Variants in STXBP5 observed in about 807,000 individuals in gnomAD.
The protein encoded by STXBP5 is syntaxin-binding protein 5.
STXBP5 carries 50 observed loss-of-function variants against 152.4 expected under a neutral mutation model. The ratio of observed to expected loss-of-function variants is 0.33; its 90% CI spans 0.26 to 0.42. The LOEUF (loss-of-function observed/expected upper bound fraction) is 0.42. Among genes scored for constraint, STXBP5 ranks in the 10% least tolerant of loss-of-function variants. The pLI, the probability that STXBP5 is intolerant of heterozygous loss-of-function variation, is 1.00. For synonymous variants in STXBP5, 492 were observed against 494.7 expected, an observed-to-expected ratio of 0.99 and a Z score of 0.07; for missense variants, 1,167 against 1,388.6, an observed-to-expected ratio of 0.84 and a Z score of 2.54.
intron 22 of STXBP5, 102 bp from the exon 23 acceptor site, chr6:147,358,982 T>C: frequency 7.4e-7 from 1 of 1,348,656 alleles, no homozygotes; most frequent in East Asian, 2.4e-5. Flanking sequence ...GTAGGTTTTG[T>C]CTTCTTGCAG....
intron 25 of STXBP5, among the ~76,000 whole-genome samples, chr6:147,373,303 T>A (rs1442314585): frequency 7.3e-6 from 1 of 136,770 alleles, no homozygotes; most frequent in East Asian, 2.2e-4. Flanking sequence ...AGGCAGAAGC[T>A]GCAAGTGAGC....
intron 2 of STXBP5, among the ~76,000 whole-genome samples, chr6:147,228,219 C>T (rs1204209996): frequency 2.0e-5 from 3 of 151,916 alleles, no homozygotes; most frequent in African/African-American, 7.3e-5. Flanking sequence ...TCTTAAATGA[C>T]TTACAAAAAG....
Position 147,227,746 on chromosome 6 carries a change from T to C in STXBP5, c.249-7504T>C, listed in dbSNP as rs528806497. On this transcript the variant is annotated intron_variant, in intron 2 of 27. Transcript: ENST00000321680. Reference sequence around the variant, plus strand: ...GCGAACTGTAGTCACGTGTAATTAATATAAACTTTTAGTTTGATTCTAAAA... The same window carrying C: ...GCGAACTGTAGTCACGTGTAATTAACATAAACTTTTAGTTTGATTCTAAAA... Among the ~76,000 whole-genome samples, 5 of 152,350 alleles carry C rather than the reference T, an allele frequency of 3.3e-5. No homozygotes were observed. In the East Asian group the frequency reaches 9.6e-4, roughly 29 times the overall value.
intron 22 of STXBP5, 108 bp downstream of exon 22, chr6:147,353,481 AT>A (rs1784681388): frequency 1.6e-6 from 1 of 619,914 alleles, no homozygotes; most frequent in Non-Finnish European, 2.7e-6. Flanking sequence ...CAAGTTTAAA[AT>A]GACTAAGATG....
chr6:147,208,991 A>G (rs1232782031), intron 2 of STXBP5, among the ~76,000 whole-genome samples: 4 of 152,100 alleles, frequency 2.6e-5, no homozygotes, highest in African/African-American at 9.7e-5. Flanking sequence ...TTCTGGAGAG[A>G]ATATGAGATT....
In STXBP5 at chr6:147,377,880, G is replaced by A. The variant is rs932889207; in HGVS notation, c.3193+4038G>A. On this transcript the variant is annotated intron_variant, in intron 26 of 27. Transcript: ENST00000321680. ...AAAAATGATAAACCTCTTTTGAAAC[G>A]AAGCACGAAAAAAGAAATGCACAAG... is the stretch of plus-strand genomic sequence containing the variant. Among the ~76,000 whole-genome samples, 7 of 151,682 alleles carry A rather than the reference G, an allele frequency of 4.6e-5. No homozygotes were observed. In the East Asian group the frequency reaches 9.7e-4, roughly 21 times the overall value.
rs543658969 is a variant in STXBP5, at chr6:147,358,257, G to C, written c.2306-827G>C. On this transcript the variant is annotated intron_variant, in intron 22 of 27. Transcript: ENST00000321680. ...TACAGTAAATTAGAAGGTAGTATCA[G>C]AGTACTTCTAAATGCATTTTTTAAA... 7.2e-5 allele frequency among the ~76,000 whole-genome samples: 11 copies of C among 152,092 alleles called. No homozygotes were observed. In the East Asian group the frequency reaches 9.7e-4, roughly 13 times the overall value.
rs932038295 is a variant in STXBP5, at chr6:147,339,771, G to A, written c.2254+387G>A. Among the ~76,000 whole-genome samples, 11 of 151,788 alleles carry A rather than the reference G, an allele frequency of 7.2e-5. No homozygotes were observed. The South Asian group carries it at 8.3e-4, about 11-fold the overall frequency. ...GTCTCTCTCATATTTTCAAGGCCCC[G>A]TATTTCAAGGAAATGGTTTTCTAAA... On this transcript the variant is annotated intron_variant, in intron 21 of 27. Transcript: ENST00000321680.
At chr6:147,361,246 G>C (rs924875211) in intron 23 of STXBP5, among the ~76,000 whole-genome samples, 1 of 151,970 alleles carries the variant, frequency 6.6e-6, no homozygotes, top group Non-Finnish European at 1.5e-5. Context: ...ACACCAATTT[G>C]TAATAAGAAA....
chr6:147,235,908 A>C (rs1562428272), intron 3 of STXBP5, among the ~76,000 whole-genome samples: 1 of 152,160 alleles, frequency 6.6e-6, no homozygotes, highest in Non-Finnish European at 1.5e-5. Flanking sequence ...CAGCTCAGAC[A>C]ATAGATGTTA....
intron 21 of STXBP5, among the ~76,000 whole-genome samples, chr6:147,342,948 C>G (rs1784157803): frequency 6.6e-6 from 1 of 151,992 alleles, no homozygotes; most frequent in Non-Finnish European, 1.5e-5. Flanking sequence ...TAGTCTGTGA[C>G]CTGGCCTATA....
chr6:147,287,534 A>G (rs1012648085), intron 8 of STXBP5, among the ~76,000 whole-genome samples: 2 of 152,172 alleles, frequency 1.3e-5, no homozygotes, highest in African/African-American at 4.8e-5. Flanking sequence ...AAAGAGTGGA[A>G]CTGGATTGTT....
intron 4 of STXBP5, among the ~76,000 whole-genome samples, chr6:147,245,363 A>C (rs1582834660): frequency 6.6e-6 from 1 of 152,310 alleles, no homozygotes; most frequent in African/African-American, 2.4e-5. Flanking sequence ...TTGAGGAAAA[A>C]CATACAATTT....
At chr6:147,222,361 G>A (rs1777502888) in intron 2 of STXBP5, among the ~76,000 whole-genome samples, 1 of 152,128 alleles carries the variant, frequency 6.6e-6, no homozygotes, top group African/African-American at 2.4e-5. Flanking sequence ...GCTGCAAATA[G>A]GCCTTTGGTA....
At chr6:147,298,254 CATT>C (rs1781631313) in intron 9 of STXBP5, among the ~76,000 whole-genome samples, 1 of 151,708 alleles carries the variant, frequency 6.6e-6, no homozygotes, top group African/African-American at 2.4e-5. Flanking sequence ...CCAAAAAAGT[CATT>C]ATGTAACAAT....
At chr6:147,256,344 A>C (rs1779364043) in intron 4 of STXBP5, among the ~76,000 whole-genome samples, 1 of 80,358 alleles carries the variant, frequency 1.2e-5, no homozygotes, top group Non-Finnish European at 2.4e-5. Context: ...AATATCATCT[A>C]GAACCTTAGC....
chr6:147,363,131 A>G (rs1785139097), intron 23 of STXBP5, among the ~76,000 whole-genome samples: 1 of 152,210 alleles, frequency 6.6e-6, no homozygotes, highest in Non-Finnish European at 1.5e-5. Flanking sequence ...AGTGGCATTT[A>G]TCTATTTGGA....
intron 2 of STXBP5, among the ~76,000 whole-genome samples, chr6:147,225,348 T>C (rs2115112146): frequency 6.6e-6 from 1 of 152,320 alleles, no homozygotes; most frequent in African/African-American, 2.4e-5. Flanking sequence ...CTTTGCAAGA[T>C]ATAAATGTAT....
intron 2 of STXBP5, among the ~76,000 whole-genome samples, chr6:147,233,031 A>T (rs1778081155): frequency 6.6e-6 from 1 of 151,834 alleles, no homozygotes; most frequent in South Asian, 2.1e-4. Flanking sequence ...TTCTTTACTT[A>T]CCAAGAATCA....
Sources: allele counts gnomAD v4.1 joint callset (sites outside exome capture counted in the v4.1 genomes callset), GRCh38; gene constraint gnomAD v4.1.1; transcripts MANE v1.5; gene names NCBI Gene and HGNC (gene_info 2026-07-23, HGNC 2026-07-21).